FAM8A1: variants seen among roughly 807,000 people sequenced by gnomAD.
FAM8A1 encodes the protein family with sequence similarity 8 member A1, also known as protein FAM8A1.
Under a neutral mutation model 38.3 loss-of-function variants are expected in FAM8A1, and 18 were observed. That is an observed-to-expected ratio of 0.47 (90% CI 0.33 to 0.70). The LOEUF (loss-of-function observed/expected upper bound fraction) is 0.70, where lower values mean the gene tolerates loss of function less well. Ranked by LOEUF, FAM8A1 falls within the 30% of genes least tolerant of loss-of-function variation. The pLI is 0.03. For synonymous variants in FAM8A1, 246 were observed against 234.4 expected (o/e 1.05, Z -0.45); for missense variants, 559 against 559.6 (o/e 1.00, Z 0.01).
intron 2 of FAM8A1, among the ~76,000 whole-genome samples, chr6:17,603,830 C>G (rs11969482): frequency 0.014 from 2,172 of 152,190 alleles, 49 homozygotes; most frequent in African/African-American, 0.049. Context: ...AAATGATCCT[C>G]CTGCCTTAGC....
Position 17,600,882 on chromosome 6 carries a change from TCCCCCAGGCCGCGGCGCCGCCGC to T in FAM8A1, c.478_500del (p.Gln160AlafsTer19). The T allele has an allele frequency of 6.3e-7, 1 of 1,597,932 alleles. No homozygotes were observed. The highest frequency in any genetic ancestry group is 8.5e-7 in the Non-Finnish European group (1 of 1,175,170). On this transcript the variant is annotated frameshift_variant, in exon 1 of 5. Coordinates refer to ENST00000259963, the MANE Select transcript of FAM8A1 (RefSeq NM_016255.3). LOFTEE classifies it high-confidence loss of function. Reference sequence around the variant, plus strand: ...AGCTTCCCTTCGGGCGGCGCTGCAGTCCCCCAGGCCGCGGCGCCGCCGCCCCCGCAGCTGGGCTATTACAACCC... The same window carrying T: ...AGCTTCCCTTCGGGCGGCGCTGCAGTCCCCGCAGCTGGGCTATTACAACCC...
chr6:17,600,910 G>A lies in FAM8A1; in HGVS notation c.501G>A (p.Pro167=). Residue 167 remains proline (P), a synonymous_variant, in exon 1 of 5, where the codon CCG becomes CCA. Coordinates refer to ENST00000259963, the MANE Select transcript of FAM8A1 (RefSeq NM_016255.3). ...CCCAGGCCGCGGCGCCGCCGCCCCC[G>A]CAGCTGGGCTATTACAACCCCTTCT... ...AVPQAAAPPP[P]QLGYYNPFYF... is the part of the protein sequence containing the mutation. 1.9e-6 allele frequency: 3 copies of A among 1,588,874 alleles called. No individual in the cohort carries two copies. The highest frequency in any genetic ancestry group is 2.2e-5 in the South Asian group (2 of 89,700).
intron 4 of FAM8A1, 135 bp downstream of exon 4, chr6:17,606,148 T>C (rs981541169): frequency 1.0e-5 from 6 of 574,612 alleles, no homozygotes; most frequent in Non-Finnish European, 1.6e-5. Flanking sequence ...TTTATTTCAG[T>C]TGTGTTACAT....
rs992939787 is a variant in FAM8A1 at position 17,600,431 on chromosome 6, G to A, written c.22G>A (p.Ala8Thr). The change falls in exon 1 of 5, where the codon GCC becomes ACC. Residue 8 changes from alanine to threonine, a missense_variant. By Grantham distance (58) the Ala-to-Thr change is moderately conservative. This residue lies in a region of FAM8A1 where 393 missense variants were observed against 338.9 expected (regional missense o/e 1.16). Transcript: ENST00000259963. The stretch of plus-strand genomic sequence containing the variant: ...GACGATGGCCGAGGGGCCCGAGGAA[G>A]CCCGAGGCCACCCTCCCGGGCAGGA... The part of the protein sequence containing the change: MAEGPEE[A>T]RGHPPGQDDG... 6 of 1,445,876 alleles carry A rather than the reference G, an allele frequency of 4.1e-6. No individual in the cohort carries two copies. Among genetic ancestry groups the A allele is most frequent in the Non-Finnish European group, 5.5e-6 (6 of 1,100,262 alleles). The allele number at this position is 1,445,876 out of a possible 1,614,324, so 89.6% of individuals were successfully genotyped here.
At chr6:17,601,371 T>C (rs1763983969) in intron 1 of FAM8A1, among the ~76,000 whole-genome samples, 1 of 152,240 alleles carries the variant, frequency 6.6e-6, no homozygotes, top group Non-Finnish European at 1.5e-5. Flanking sequence ...TAGTTGTTTA[T>C]TCGTGAAAAG....
chr6:17,609,375 T>A lies in FAM8A1; in HGVS notation c.*1036T>A, dbSNP rs564572218. On this transcript the variant is annotated 3_prime_UTR_variant, in exon 5 of 5. Coordinates refer to ENST00000259963, the MANE Select transcript of FAM8A1 (RefSeq NM_016255.3). ...GAGTTAAAAAAATCTTAATATTTCA[T>A]GATTAACTCTAAGTACTATTAATTA... 6.8e-6 allele frequency: 1 copy of A among 146,094 alleles called. No homozygotes were observed. Among genetic ancestry groups the A allele is most frequent in the African/African-American group, 2.5e-5 (1 of 40,226 alleles). The allele number at this position is 146,094 out of a possible 1,614,324, so 9.0% of individuals were successfully genotyped here. A position where few individuals can be genotyped will look rare whatever the true frequency, so the allele number is the denominator to read the frequency against.
chr6:17,606,031 C>A lies in FAM8A1; in HGVS notation c.1097+18C>A. 6.7e-7 allele frequency: 1 copy of A among 1,503,400 alleles called. No individual in the cohort carries two copies. The highest frequency in any genetic ancestry group is 1.3e-5 in the South Asian group (1 of 77,388). The allele number at this position is 1,503,400 out of a possible 1,614,324, so 93.1% of individuals were successfully genotyped here. A position where few individuals can be genotyped will look rare whatever the true frequency, so the allele number is the denominator to read the frequency against. On this transcript the variant is annotated intron_variant, in intron 4 of 4. Coordinates refer to ENST00000259963, the MANE Select transcript of FAM8A1 (RefSeq NM_016255.3). ...ATTACAACGTAAGTCCTTTTCTTAGCTTAATCTACTACATACTTAATGAAA... is the reference window on the plus strand; with the variant it reads ...ATTACAACGTAAGTCCTTTTCTTAGATTAATCTACTACATACTTAATGAAA...
In FAM8A1 at chr6:17,610,884, T is replaced by C. The variant is rs1764132666; in HGVS notation, c.*2545T>C. On this transcript the variant is annotated 3_prime_UTR_variant, in exon 5 of 5. Coordinates refer to ENST00000259963, the MANE Select transcript of FAM8A1 (RefSeq NM_016255.3). ...TCTAGAAAATCTCAGTTCCCACCAG[T>C]AAAATTATCCTGAGTAGCTAATGCA... 6.6e-6 allele frequency: 1 copy of C among 152,132 alleles called. No homozygotes were observed. Among genetic ancestry groups the C allele is most frequent in the South Asian group, 2.1e-4 (1 of 4,834 alleles). 9.4% of individuals were successfully genotyped at this position (152,132 alleles called of 1,614,324 possible). A position where few individuals can be genotyped will look rare whatever the true frequency, so the allele number is the denominator to read the frequency against.
In FAM8A1 at chr6:17,601,006, C is replaced by G; in HGVS notation, c.597C>G (p.Val199=). ...CCGGCATCAGCACCCCTGCTCCAGT[C>G]GCGGGCCTGGGACCCCGGGCTCCTC... is the stretch of plus-strand genomic sequence containing the variant. The part of the protein sequence containing the change: ...TAAGISTPAP[V]AGLGPRAPHV... Residue 199 remains valine (V), a synonymous_variant, in exon 1 of 5, where the codon GTC becomes GTG. Transcript: ENST00000259963. 1 of 1,588,142 alleles carries G rather than the reference C, an allele frequency of 6.3e-7. No homozygotes were observed. The highest frequency in any genetic ancestry group is 8.6e-7 in the Non-Finnish European group (1 of 1,169,480).
chr6:17,604,710 G>A (rs1161466805), intron 2 of FAM8A1, among the ~76,000 whole-genome samples, 196 bp from the exon 3 acceptor site: 1 of 151,996 alleles, frequency 6.6e-6, no homozygotes, highest in East Asian at 1.9e-4. Flanking sequence ...CCCCGTGCTA[G>A]TACAGTGTCT....
intron 4 of FAM8A1, among the ~76,000 whole-genome samples, chr6:17,607,121 G>C (rs948454348): frequency 6.6e-6 from 1 of 151,830 alleles, no homozygotes; most frequent in South Asian, 2.1e-4. Context: ...TTAGCCGGGC[G>C]TGGTGGCGGG....
At chr6:17,607,109 A>T (rs577232795) in intron 4 of FAM8A1, among the ~76,000 whole-genome samples, 16 of 151,986 alleles carry the variant, frequency 1.1e-4, no homozygotes, top group African/African-American at 3.9e-4. Context: ...AAATACAAAA[A>T]ATTAGCCGGG....
At chr6:17,608,099 G>C (rs894632820) in intron 4 of FAM8A1, 96 bp from the exon 5 acceptor site, 2 of 1,280,558 alleles carry the variant, frequency 1.6e-6, no homozygotes, top group African/African-American at 2.9e-5. Flanking sequence ...AAGTACAATT[G>C]TGTTTTAAAT....
At position 17,608,181 on chromosome 6, in the gene FAM8A1, T is replaced by C; in HGVS notation, c.1098-14T>C. ...ATGTGTAACTTACCTGATATTTTTG[T>C]TTTAACTTTTTAGGTCCACTATCCG... is the stretch of plus-strand genomic sequence containing the variant. On this transcript the variant is annotated splice_polypyrimidine_tract_variant and intron_variant, in intron 4 of 4. Coordinates refer to ENST00000259963, the MANE Select transcript of FAM8A1 (RefSeq NM_016255.3). The C allele has an allele frequency of 6.2e-7, 1 of 1,611,908 alleles. No homozygotes were observed. The highest frequency in any genetic ancestry group is 8.5e-7 in the Non-Finnish European group (1 of 1,179,240).
At chr6:17,601,918 A>G (rs1763990738) in intron 1 of FAM8A1, among the ~76,000 whole-genome samples, 1 of 152,172 alleles carries the variant, frequency 6.6e-6, no homozygotes, top group Non-Finnish European at 1.5e-5. Context: ...GTACTAAAAA[A>G]TGTTTAATTT....
Position 17,604,908 on chromosome 6 carries a change from A to T in FAM8A1, c.836A>T (p.Asp279Val). The change falls in exon 3 of 5, where the codon GAT (aspartate) becomes GTT (valine). Residue 279 changes from aspartate (D) to valine (V), a missense_variant and splice_region_variant. Physicochemically the swap from Asp to Val is radical, Grantham distance 152. Coordinates refer to ENST00000259963, the MANE Select transcript of FAM8A1 (RefSeq NM_016255.3). ...CCCCAAACTATTATTTTGTGTAGGGATATCTCTAAGTTTGCTATGCATTAT... is the reference window on the plus strand; with the variant it reads ...CCCCAAACTATTATTTTGTGTAGGGTTATCTCTAAGTTTGCTATGCATTAT... ...LSIMHLSGIKDISKFAMHYII... is the reference protein window; with the variant it reads ...LSIMHLSGIKVISKFAMHYII... 6.3e-7 allele frequency: 1 copy of T among 1,583,744 alleles called. No individual in the cohort carries two copies.
chr6:17,600,512 GC>G lies in FAM8A1; in HGVS notation c.105del (p.Val36SerfsTer73). The G allele has an allele frequency of 2.6e-6, 4 of 1,533,454 alleles. No individual in the cohort carries two copies. The highest frequency in any genetic ancestry group is 3.5e-6 in the Non-Finnish European group (4 of 1,144,558). The allele number at this position is 1,533,454 out of a possible 1,614,324, so 95.0% of individuals were successfully genotyped here. A position where few individuals can be genotyped will look rare whatever the true frequency, so the allele number is the denominator to read the frequency against. ...TTCCCTGAGAGGCCCTCCTACCACC[GC>G]CGTCCCATGCCCCCGCGACGACCCC... ...VPSLRGPPTT[A>X]VPCPRDDPQA... is the part of the protein sequence containing the mutation. On this transcript the variant is annotated frameshift_variant, in exon 1 of 5. Coordinates refer to ENST00000259963, the MANE Select transcript of FAM8A1 (RefSeq NM_016255.3). LOFTEE classifies it high-confidence loss of function.
Position 17,608,407 on chromosome 6 carries a change from G to A in FAM8A1, c.*68G>A. ...TGTATCAAGGCCATCAGTATCCCTGGGTTACACTAATTGATGATTTAGAAA... is the reference window on the plus strand; with the variant it reads ...TGTATCAAGGCCATCAGTATCCCTGAGTTACACTAATTGATGATTTAGAAA... On this transcript the variant is annotated 3_prime_UTR_variant, in exon 5 of 5. Transcript: ENST00000259963. The A allele has an allele frequency of 6.6e-7, 1 of 1,506,494 alleles. No individual in the cohort carries two copies. Among genetic ancestry groups the A allele is most frequent in the Non-Finnish European group, 8.9e-7 (1 of 1,120,310 alleles). 93.3% of individuals were successfully genotyped at this position (1,506,494 alleles called of 1,614,324 possible).
chr6:17,602,889 AG>A (rs2113745069), intron 2 of FAM8A1, among the ~76,000 whole-genome samples, 179 bp downstream of exon 2: 1 of 152,364 alleles, frequency 6.6e-6, no homozygotes, highest in South Asian at 2.1e-4. Context: ...ATAACTAGAA[AG>A]GAAAAAAAAT....
Sources: allele counts gnomAD v4.1 joint callset (sites outside exome capture counted in the v4.1 genomes callset), GRCh38; gene constraint gnomAD v4.1.1; regional missense constraint gnomAD v4.1.1; transcripts MANE v1.5; gene names NCBI Gene and HGNC (gene_info 2026-07-23, HGNC 2026-07-21).